Variants in XKR4 observed in about 807,000 individuals in gnomAD.
The protein encoded by XKR4 is XK-related protein 4.
XKR4 carries 12 observed loss-of-function variants against 53.9 expected under a neutral mutation model. The ratio of observed to expected loss-of-function variants is 0.22; its 90% CI spans 0.14 to 0.36. XKR4 has a LOEUF of 0.36. XKR4 is among the 10% of genes least tolerant of loss of function. The probability of loss-of-function intolerance (pLI) is 1.00; values close to 1 mark genes in which losing one functional copy is unlikely to be tolerated. For missense variants in XKR4, 799 were observed against 859.5 expected (o/e 0.93, Z 0.88); for synonymous variants, 354 against 362.4 (o/e 0.98, Z 0.26).
At chr8:55,305,306 G>A (rs1819279868) in intron 1 of XKR4, among the ~76,000 whole-genome samples, 1 of 152,174 alleles carries the variant, frequency 6.6e-6, no homozygotes, top group Non-Finnish European at 1.5e-5. Flanking sequence ...ATGGCGTTGT[G>A]CCAGCAGGGG....
At chr8:55,384,838 C>T (rs1212982837) in intron 2 of XKR4, among the ~76,000 whole-genome samples, 2 of 152,204 alleles carry the variant, frequency 1.3e-5, no homozygotes, top group East Asian at 3.9e-4. Context: ...GACTCTTTAG[C>T]AAATACACTC....
chr8:55,452,465 C>A, intron 2 of XKR4: 1 of 631,722 alleles, frequency 1.6e-6, no homozygotes, highest in South Asian at 1.7e-5. Flanking sequence ...CCTCCTCACG[C>A]CCATCCGGTG....
chr8:55,180,943 A>G (rs1175889007), intron 1 of XKR4, among the ~76,000 whole-genome samples: 1 of 152,214 alleles, frequency 6.6e-6, no homozygotes, highest in Non-Finnish European at 1.5e-5. Flanking sequence ...ACAGATCACA[A>G]CAGACTTGCT....
chr8:55,316,985 G>A (rs926605797), intron 1 of XKR4, among the ~76,000 whole-genome samples: 10 of 152,240 alleles, frequency 6.6e-5, no homozygotes, highest in African/African-American at 2.4e-4. Context: ...TGGCTGGGAA[G>A]CTTTTAATAA....
At position 55,341,902 on chromosome 8, in the gene XKR4, G is replaced by T. The variant is rs374120480; in HGVS notation, c.807-15776G>T. Among the ~76,000 whole-genome samples the T allele has an allele frequency of 3.9e-4, 59 of 152,096 alleles. 1 individual carries two copies. The East Asian group carries it at 7.4e-3, about 19-fold the overall frequency. On this transcript the variant is annotated intron_variant, in intron 1 of 2. Coordinates refer to ENST00000327381, the MANE Select transcript of XKR4 (RefSeq NM_052898.2). ...CACTCATAGTAAGGATGCACAGGAA[G>T]ACATTAAGGCTGGCACTGTAAGTGA...
At chr8:55,144,103 A>G (rs919854645) in intron 1 of XKR4, among the ~76,000 whole-genome samples, 1 of 152,126 alleles carries the variant, frequency 6.6e-6, no homozygotes, top group Admixed American at 6.5e-5. Context: ...TCTCTAATCT[A>G]TCTCAGCCTA....
intron 2 of XKR4, among the ~76,000 whole-genome samples, chr8:55,419,027 G>A (rs1035121003): frequency 2.0e-5 from 3 of 152,002 alleles, no homozygotes; most frequent in South Asian, 4.2e-4. Flanking sequence ...TGCAGTTACC[G>A]GTTATCTCCA....
chr8:55,342,678 C>G (rs116125048), intron 1 of XKR4, among the ~76,000 whole-genome samples: 1 of 152,138 alleles, frequency 6.6e-6, no homozygotes, highest in African/African-American at 2.4e-5. Context: ...AGATTTTAAA[C>G]GAAGAGGGCT....
At chr8:55,327,409 G>A (rs1295331938) in intron 1 of XKR4, among the ~76,000 whole-genome samples, 1 of 150,856 alleles carries the variant, frequency 6.6e-6, no homozygotes, top group African/African-American at 2.4e-5. Context: ...CCCAAATCAA[G>A]AGTGTGAAGG....
intron 2 of XKR4, among the ~76,000 whole-genome samples, chr8:55,492,333 CA>C (rs1259711378): frequency 6.6e-6 from 1 of 152,134 alleles, no homozygotes; most frequent in East Asian, 1.9e-4. Context: ...CAGATTGTCT[CA>C]AAAATTACAA....
In XKR4 at chr8:55,526,877, T is replaced by C. The variant is rs959616791; in HGVS notation, c.*2650T>C. On this transcript the variant is annotated 3_prime_UTR_variant, in exon 3 of 3. Transcript: ENST00000327381. The stretch of plus-strand genomic sequence containing the variant: ...GAGGTGAGATTGGCAGTCAGGAGAA[T>C]GTAAGGAGGTTGAATTTTTCAGTGA... The C allele has an allele frequency of 1.3e-5, 2 of 152,174 alleles. No homozygotes were observed. The highest frequency in any genetic ancestry group is 1.3e-4 in the Admixed American group (2 of 15,284). The allele number at this position is 152,174 out of a possible 1,614,324, so 9.4% of individuals were successfully genotyped here. A position where few individuals can be genotyped will look rare whatever the true frequency, so the allele number is the denominator to read the frequency against.
At chr8:55,282,366 G>A (rs1442200839) in intron 1 of XKR4, among the ~76,000 whole-genome samples, 2 of 152,156 alleles carry the variant, frequency 1.3e-5, no homozygotes, top group Non-Finnish European at 1.5e-5. Context: ...GAGACTGGGT[G>A]ATTTATGAAG....
intron 2 of XKR4, chr8:55,453,606 C>T: frequency 2.4e-6 from 1 of 411,524 alleles, no homozygotes. Flanking sequence ...AGGGGTGCAC[C>T]TTGCATCTTG....
At chr8:55,253,731 C>CTTTTTTTTTT (rs67608017) in intron 1 of XKR4, among the ~76,000 whole-genome samples, 1 of 113,708 alleles carries the variant, frequency 8.8e-6, no homozygotes, top group Non-Finnish European at 1.9e-5. Flanking sequence ...ATTTTCTTTT[C>CTTTTTTTTTT]TTTTTTTTTT....
intron 1 of XKR4, among the ~76,000 whole-genome samples, chr8:55,272,337 A>G (rs1818703601): frequency 6.6e-6 from 1 of 152,230 alleles, no homozygotes; most frequent in Admixed American, 6.5e-5. Context: ...TAAAGTTTAG[A>G]ATGGTGTGAG....
intron 1 of XKR4, among the ~76,000 whole-genome samples, chr8:55,299,092 T>G (rs1016865875): frequency 6.6e-6 from 1 of 152,210 alleles, no homozygotes; most frequent in Non-Finnish European, 1.5e-5. Flanking sequence ...CATTTCATCT[T>G]CATGTCTCTT....
At chr8:55,234,460 T>C (rs546309921) in intron 1 of XKR4, among the ~76,000 whole-genome samples, 1 of 152,244 alleles carries the variant, frequency 6.6e-6, no homozygotes, top group South Asian at 2.1e-4. Flanking sequence ...GGGGGCCGAG[T>C]CTGAAGGCTG....
intron 1 of XKR4, among the ~76,000 whole-genome samples, chr8:55,300,862 G>C (rs1156785443): frequency 6.6e-6 from 1 of 152,010 alleles, no homozygotes. Context: ...GGAAAGGAAG[G>C]AACAATGAAG....
intron 1 of XKR4, among the ~76,000 whole-genome samples, chr8:55,238,851 T>G (rs1818170185): frequency 6.6e-6 from 1 of 152,236 alleles, no homozygotes; most frequent in Non-Finnish European, 1.5e-5. Context: ...CTTATTTTAA[T>G]AAGTGAGGTT....
Sources: gnomAD v4.1 joint callset for allele counts (sites outside exome capture counted in the v4.1 genomes callset) on GRCh38, gnomAD v4.1.1 for gene constraint, MANE v1.5 for transcripts, NCBI Gene and HGNC (gene_info 2026-07-23, HGNC 2026-07-21) for gene names.